Variants in LRRTM4 observed in about 807,000 individuals in gnomAD.
LRRTM4 encodes leucine-rich repeat transmembrane neuronal protein 4.
In LRRTM4, 25 loss-of-function variants were observed where a neutral mutation model predicts 47.6. The ratio of observed to expected loss-of-function variants is 0.53; its 90% CI spans 0.38 to 0.73. The LOEUF is 0.73. Among genes scored for constraint, LRRTM4 ranks in the 30% least tolerant of loss-of-function variants. The pLI is 0.00. For missense variants in LRRTM4, 638 were observed against 713.4 expected, an observed-to-expected ratio of 0.89 and a Z score of 1.20; for synonymous variants, 311 against 269.5, an observed-to-expected ratio of 1.15 and a Z score of -1.51.
At chr2:77,247,650 C>T (rs1040252528) in intron 3 of LRRTM4, among the ~76,000 whole-genome samples, 1 of 152,042 alleles carries the variant, frequency 6.6e-6, no homozygotes, top group Non-Finnish European at 1.5e-5. Context: ...GCTCCCTGTG[C>T]TCATTACTCT....
chr2:77,239,890 A>C (rs565484038), intron 3 of LRRTM4, among the ~76,000 whole-genome samples: 27 of 151,950 alleles, frequency 1.8e-4, no homozygotes, highest in Non-Finnish European at 1.6e-4. Flanking sequence ...AGCCCTTAGG[A>C]ACATTATTTG....
intron 3 of LRRTM4, among the ~76,000 whole-genome samples, chr2:77,323,080 C>A (rs1454108431): frequency 6.6e-6 from 1 of 151,936 alleles, no homozygotes; most frequent in Non-Finnish European, 1.5e-5. Context: ...GATGTTGGCT[C>A]CTGGGGGGAA....
In LRRTM4 at chr2:76,956,021, C is replaced by G. The variant is rs1223903623; in HGVS notation, c.1552-207105G>C. ...AAAACTCCCACTTAAAAAAAAAAGC[C>G]TAGAGAGGTTGAATGGATTCAAAGA... On this transcript the variant is annotated intron_variant, in intron 3 of 3. Transcript: ENST00000409884. Among the ~76,000 whole-genome samples the G allele has an allele frequency of 5.3e-5, 8 of 151,264 alleles. No individual in the cohort carries two copies. The South Asian group carries it at 1.5e-3, about 28-fold the overall frequency.
chr2:77,360,747 T>A (rs2104315221), intron 3 of LRRTM4, among the ~76,000 whole-genome samples: 1 of 152,260 alleles, frequency 6.6e-6, no homozygotes, highest in East Asian at 1.9e-4. Context: ...TAAATGGAAT[T>A]GAATGAAATT....
chr2:77,260,178 G>A (rs1193965768), intron 3 of LRRTM4, among the ~76,000 whole-genome samples: 4 of 151,994 alleles, frequency 2.6e-5, no homozygotes, highest in African/African-American at 9.7e-5. Flanking sequence ...AGAATACTCA[G>A]GTTTACAAAT....
intron 3 of LRRTM4, among the ~76,000 whole-genome samples, chr2:77,060,547 C>G (rs888110468): frequency 6.6e-6 from 1 of 151,498 alleles, no homozygotes; most frequent in Admixed American, 6.6e-5. Context: ...TTGAGAAAAC[C>G]CAGCATAAAA....
intron 3 of LRRTM4, among the ~76,000 whole-genome samples, chr2:77,239,507 T>C (rs911347957): frequency 6.6e-6 from 1 of 151,960 alleles, no homozygotes; most frequent in Non-Finnish European, 1.5e-5. Context: ...TGATTGGATA[T>C]AAAAGTAAGC....
chr2:77,024,940 A>G (rs114502973), intron 3 of LRRTM4, among the ~76,000 whole-genome samples: 1,649 of 152,270 alleles, frequency 0.011, 34 homozygotes, highest in African/African-American at 0.038. Context: ...ATAGTCAACA[A>G]TTTGAGAAAT....
chr2:77,017,829 A>G (rs997358910), intron 3 of LRRTM4, among the ~76,000 whole-genome samples: 19 of 152,182 alleles, frequency 1.2e-4, no homozygotes, highest in African/African-American at 3.6e-4. Context: ...CTAGACAATG[A>G]GAACCCAATC....
At chr2:77,239,505 T>C (rs544897188) in intron 3 of LRRTM4, among the ~76,000 whole-genome samples, 1 of 152,086 alleles carries the variant, frequency 6.6e-6, no homozygotes, top group South Asian at 2.1e-4. Flanking sequence ...GATGATTGGA[T>C]ATAAAAGTAA....
intron 3 of LRRTM4, among the ~76,000 whole-genome samples, chr2:76,911,750 C>T (rs928962752): frequency 1.3e-5 from 2 of 151,994 alleles, no homozygotes; most frequent in African/African-American, 4.8e-5. Context: ...AGGCCAATCA[C>T]TTTTTTCTGA....
rs1377062825 is a variant in LRRTM4, at chr2:76,877,580, A to G, written c.1552-128664T>C. Reference sequence around the variant, plus strand: ...CCTCACTGTTTTACATTCTAACAATAAACTAGAATTTAATTATTTCGGTTT... The same window carrying G: ...CCTCACTGTTTTACATTCTAACAATGAACTAGAATTTAATTATTTCGGTTT... On this transcript the variant is annotated intron_variant, in intron 3 of 3. Coordinates refer to ENST00000409884, the MANE Select transcript of LRRTM4 (RefSeq NM_001134745.3). Among the ~76,000 whole-genome samples the G allele has an allele frequency of 2.0e-5, 3 of 152,184 alleles. No individual in the cohort carries two copies. The East Asian group carries it at 5.8e-4, about 29-fold the overall frequency.
intron 3 of LRRTM4, among the ~76,000 whole-genome samples, chr2:77,062,153 G>A (rs1003147321): frequency 6.6e-6 from 1 of 151,950 alleles, no homozygotes; most frequent in African/African-American, 2.4e-5. Context: ...TTTTTTGGGG[G>A]GTGGCAGGCA....
At chr2:77,476,348 T>G (rs1006694052) in intron 3 of LRRTM4, among the ~76,000 whole-genome samples, 1 of 152,128 alleles carries the variant, frequency 6.6e-6, no homozygotes. Context: ...ATTCAGAAAA[T>G]TATTATTATT....
At chr2:77,296,326 T>G (rs1676971808) in intron 3 of LRRTM4, among the ~76,000 whole-genome samples, 1 of 152,164 alleles carries the variant, frequency 6.6e-6, no homozygotes, top group African/African-American at 2.4e-5. Flanking sequence ...CATTAAATGG[T>G]TTTTATATAA....
chr2:76,757,264 T>G (rs568425589), intron 3 of LRRTM4, among the ~76,000 whole-genome samples: 1 of 152,272 alleles, frequency 6.6e-6, no homozygotes, highest in South Asian at 2.1e-4. Flanking sequence ...TCTTGTCCTG[T>G]TGTTATTTAG....
chr2:76,906,805 A>C (rs1352647116), intron 3 of LRRTM4, among the ~76,000 whole-genome samples: 3 of 151,224 alleles, frequency 2.0e-5, no homozygotes, highest in African/African-American at 7.3e-5. Context: ...AACTATCCTA[A>C]ATATATATGC....
intron 3 of LRRTM4, among the ~76,000 whole-genome samples, chr2:76,802,458 T>C (rs72815450): frequency 0.16 from 23,901 of 151,830 alleles, 2,037 homozygotes; most frequent in African/African-American, 0.2. Flanking sequence ...ATTGATAAAA[T>C]AAATGGAAAG....
chr2:77,510,775 C>T (rs1040924667), intron 3 of LRRTM4, among the ~76,000 whole-genome samples: 12 of 152,024 alleles, frequency 7.9e-5, no homozygotes, highest in Admixed American at 7.9e-4. Context: ...ATTTACTCAC[C>T]TTTTAGTTTT....
Sources: gnomAD v4.1 joint callset for allele counts (sites outside exome capture counted in the v4.1 genomes callset) on GRCh38, gnomAD v4.1.1 for gene constraint, MANE v1.5 for transcripts, NCBI Gene and HGNC (gene_info 2026-07-23, HGNC 2026-07-21) for gene names.